Variants in ESCO2 observed in about 807,000 individuals in gnomAD.
ESCO2 encodes N-acetyltransferase ESCO2.
In ESCO2, 51 loss-of-function variants were observed where a neutral mutation model predicts 61.7. The ratio of observed to expected loss-of-function variants is 0.83; its 90% CI spans 0.66 to 1.04. The LOEUF (loss-of-function observed/expected upper bound fraction) is 1.04, where lower values mean the gene tolerates loss of function less well. Among genes scored for constraint, ESCO2 ranks in the 50% least tolerant of loss-of-function variants. The probability of loss-of-function intolerance (pLI) is 0.00; values close to 1 mark genes in which losing one functional copy is unlikely to be tolerated. For missense variants in ESCO2, 692 were observed against 686.2 expected (o/e 1.01, Z -0.09); for synonymous variants, 230 against 238.2 (o/e 0.97, Z 0.32).
downstream of ESCO2, chr8:27,812,515 C>T (rs1472699201): frequency 6.6e-6 from 1 of 151,702 alleles, no homozygotes; most frequent in African/African-American, 2.4e-5. Context: ...AAAGAAAGTA[C>T]CATCAAAGTG....
downstream of ESCO2, among the ~76,000 whole-genome samples, chr8:27,813,454 A>G: frequency 6.6e-6 from 1 of 152,290 alleles, no homozygotes; most frequent in East Asian, 1.9e-4. Flanking sequence ...TAGAACTTAA[A>G]CAATTTTGTT....
At chr8:27,788,810 A>G (rs1208496065) in intron 6 of ESCO2, 37 bp from the exon 7 acceptor site, 1 of 1,613,506 alleles carries the variant, frequency 6.2e-7, no homozygotes, top group Admixed American at 1.7e-5. Context: ...TTTGTGCTAT[A>G]TTTAAATGGG....
Position 27,779,855 on chromosome 8 carries a change from T to G in ESCO2, c.862-319T>G, listed in dbSNP as rs138684252. 5.2e-3 allele frequency: 1,310 copies of G among 252,648 alleles called. 18 individuals carry two copies. The highest frequency in any genetic ancestry group is 0.028 in the African/African-American group (1,244 of 44,024). The allele number at this position is 252,648 out of a possible 1,614,324, so 15.7% of individuals were successfully genotyped here. On this transcript the variant is annotated intron_variant, in intron 3 of 10. Transcript: ENST00000305188. ...CTAATTTTTGTATTTTTAGTAGAGA[T>G]AGGGTTTCACCATGTTAGCCAGGAT...
Position 27,803,673 on chromosome 8 carries a change from T to C in ESCO2, c.*235T>C. 7.6e-7 allele frequency: 1 copy of C among 1,311,528 alleles called. No homozygotes were observed. The highest frequency in any genetic ancestry group is 9.7e-7 in the Non-Finnish European group (1 of 1,032,804). The allele number at this position is 1,311,528 out of a possible 1,614,324, so 81.2% of individuals were successfully genotyped here. On this transcript the variant is annotated 3_prime_UTR_variant, in exon 11 of 11. Coordinates refer to ENST00000305188, the MANE Select transcript of ESCO2 (RefSeq NM_001017420.3). Reference sequence around the variant, plus strand: ...AAGGAAAAATCTTTGGGTGATTCCCTGATTAGCACTCTGAATGTTTAATTA... The same window carrying C: ...AAGGAAAAATCTTTGGGTGATTCCCCGATTAGCACTCTGAATGTTTAATTA...
At chr8:27,772,563 C>A (rs1052508336), upstream of ESCO2, 2 of 1,548,648 alleles carry the variant, frequency 1.3e-6, no homozygotes, top group Non-Finnish European at 1.7e-6. Flanking sequence ...GGTGCGGTGA[C>A]TCCACCGCGG....
downstream of ESCO2, chr8:27,810,352 G>T (rs765445598): frequency 7.4e-6 from 12 of 1,612,524 alleles, no homozygotes; most frequent in Non-Finnish European, 9.3e-6. Flanking sequence ...GCAGAAGGAC[G>T]ATCTTTAGGG....
At chr8:27,791,857 A>G (rs1156731328) in intron 7 of ESCO2, 106 bp from the exon 8 acceptor site, 7 of 919,312 alleles carry the variant, frequency 7.6e-6, no homozygotes, top group Middle Eastern at 2.2e-4. Flanking sequence ...TTCTTTTTAT[A>G]TCTATTATTG....
chr8:27,788,051 A>C, intron 6 of ESCO2, 49 bp downstream of exon 6: 1 of 1,386,276 alleles, frequency 7.2e-7, no homozygotes, highest in Non-Finnish European at 1.0e-6. Flanking sequence ...TTTGCAGAAA[A>C]GCTTGCCAAC....
chr8:27,815,924 T>C (rs17057917), downstream of ESCO2, among the ~76,000 whole-genome samples: 1,508 of 152,330 alleles, frequency 9.9e-3, 20 homozygotes, highest in African/African-American at 0.034. Flanking sequence ...CATAAACTAA[T>C]GGTTCAGTCA....
chr8:27,800,833 T>G (rs563495580), intron 10 of ESCO2, among the ~76,000 whole-genome samples: 21 of 152,196 alleles, frequency 1.4e-4, no homozygotes, highest in Non-Finnish European at 2.9e-4. Context: ...TTGAAATAAA[T>G]CAGTTGCAGA....
chr8:27,778,423 C>T (rs956799099), intron 3 of ESCO2: 3 of 152,052 alleles, frequency 2.0e-5, no homozygotes, highest in Admixed American at 6.6e-5. Flanking sequence ...AATTCATTTT[C>T]TGTTTATATC....
chr8:27,793,286 T>C (rs1805218339), intron 9 of ESCO2, among the ~76,000 whole-genome samples: 1 of 152,038 alleles, frequency 6.6e-6, no homozygotes, highest in Non-Finnish European at 1.5e-5. Context: ...GTTTGGCCTT[T>C]TCCTTCCCCC....
chr8:27,803,184 G>A, intron 10 of ESCO2, 122 bp from the exon 11 acceptor site: 3 of 835,694 alleles, frequency 3.6e-6, no homozygotes, highest in Non-Finnish European at 5.9e-6. Flanking sequence ...AAAATATAAG[G>A]CATTTTTTCA....
rs1804786973 is a variant in ESCO2, at chr8:27,776,268, T to C, written c.54-94T>C. The C allele has an allele frequency of 8.5e-5, 89 of 1,044,444 alleles. 2 individuals carry two copies. The South Asian group carries it at 1.3e-3, about 15-fold the overall frequency. 64.7% of individuals were successfully genotyped at this position (1,044,444 alleles called of 1,614,324 possible). On this transcript the variant is annotated intron_variant, in intron 2 of 10. Transcript: ENST00000305188. ...GTATGGGGGGTACATGTATTGTTTT[T>C]AATATGACCTACAAGTAGAGCTTAC...
At chr8:27,802,338 G>A (rs906155936) in intron 10 of ESCO2, among the ~76,000 whole-genome samples, 1 of 151,092 alleles carries the variant, frequency 6.6e-6, no homozygotes, top group Non-Finnish European at 1.5e-5. Context: ...GCTCTTGCCT[G>A]TAATCCCTGT....
intron 5 of ESCO2, among the ~76,000 whole-genome samples, chr8:27,786,663 A>G (rs746349742): frequency 3.9e-5 from 6 of 152,196 alleles, no homozygotes; most frequent in Admixed American, 1.3e-4. Flanking sequence ...TTATGTCTGT[A>G]CTAGTCATGT....
upstream of ESCO2, among the ~76,000 whole-genome samples, chr8:27,773,297 C>A (rs147834964): frequency 8.0e-3 from 1,212 of 152,286 alleles, 16 homozygotes; most frequent in African/African-American, 0.028. Flanking sequence ...ATGACCCACA[C>A]CCTATAGTTT....
At position 27,803,661 on chromosome 8, in the gene ESCO2, TG is replaced by T. The variant is rs1339326756; in HGVS notation, c.*226del. ...TCTGGGGATTCAAAGGAAAAATCTT[TG>T]GGTGATTCCCTGATTAGCACTCTGA... is the stretch of plus-strand genomic sequence containing the variant. On this transcript the variant is annotated 3_prime_UTR_variant, in exon 11 of 11. Coordinates refer to ENST00000305188, the MANE Select transcript of ESCO2 (RefSeq NM_001017420.3). 7 of 1,336,548 alleles carry T rather than the reference TG, an allele frequency of 5.2e-6. No individual in the cohort carries two copies. Among genetic ancestry groups the T allele is most frequent in the Non-Finnish European group, 6.7e-6 (7 of 1,048,650 alleles). 82.8% of individuals were successfully genotyped at this position (1,336,548 alleles called of 1,614,324 possible).
intron 2 of ESCO2, 94 bp downstream of exon 2, chr8:27,775,661 T>C: frequency 8.8e-7 from 1 of 1,131,560 alleles, no homozygotes; most frequent in Non-Finnish European, 1.4e-6. Context: ...GTTCTTCCAC[T>C]AGCCTACTCC....
Sources: gnomAD v4.1 joint callset for allele counts (sites outside exome capture counted in the v4.1 genomes callset) on GRCh38, gnomAD v4.1.1 for gene constraint, MANE v1.5 for transcripts, NCBI Gene and HGNC (gene_info 2026-07-23, HGNC 2026-07-21) for gene names.